AKAP19: variants seen among roughly 807,000 people sequenced by gnomAD.
The protein encoded by AKAP19 is small A-kinase anchoring protein.
chr2:189,974,334 A>G, the AKAP19 span, among the ~76,000 whole-genome samples: 1 of 152,070 alleles, frequency 6.6e-6, no homozygotes, highest in Non-Finnish European at 1.5e-5. Context: ...TTGCACTGTG[A>G]TCTGAGAGAC....
the AKAP19 span, among the ~76,000 whole-genome samples, chr2:189,891,480 C>A: frequency 6.6e-6 from 1 of 152,066 alleles, no homozygotes; most frequent in East Asian, 1.9e-4. Context: ...ACCTCGGCCT[C>A]CCAGAGTGCT....
chr2:189,989,673 G>A, the AKAP19 span, among the ~76,000 whole-genome samples: 1 of 152,034 alleles, frequency 6.6e-6, no homozygotes, highest in Non-Finnish European at 1.5e-5. Flanking sequence ...TGACAAATAT[G>A]GAGATTATTT....
At chr2:190,112,889 G>A in the AKAP19 span, among the ~76,000 whole-genome samples, 439 of 152,158 alleles carry the variant, frequency 2.9e-3, 1 homozygote, top group South Asian at 8.1e-3. Flanking sequence ...CCCACTAATG[G>A]GGAACACTGT....
the AKAP19 span, among the ~76,000 whole-genome samples, chr2:189,881,396 A>T: frequency 6.6e-6 from 1 of 152,090 alleles, no homozygotes; most frequent in South Asian, 2.1e-4. Context: ...TTCCTAGATG[A>T]GTAGATCCTG....
the AKAP19 span, among the ~76,000 whole-genome samples, chr2:190,029,643 A>G: frequency 6.6e-6 from 1 of 152,334 alleles, no homozygotes; most frequent in Non-Finnish European, 1.5e-5. Context: ...TGTGGGTTGT[A>G]TAGTCTCTGT....
chr2:190,055,487 TAAA>T, the AKAP19 span, among the ~76,000 whole-genome samples: 1 of 151,430 alleles, frequency 6.6e-6, no homozygotes, highest in Non-Finnish European at 1.5e-5. Flanking sequence ...AATAAAAAAA[TAAA>T]AAAAAGAGAA....
the AKAP19 span, among the ~76,000 whole-genome samples, chr2:190,066,650 T>C: frequency 6.6e-6 from 1 of 151,340 alleles, no homozygotes; most frequent in African/African-American, 2.4e-5. Flanking sequence ...ATGCTTTTGA[T>C]AGTTAGAAGA....
At chr2:190,198,536 G>A in the AKAP19 span, among the ~76,000 whole-genome samples, 1 of 150,932 alleles carries the variant, frequency 6.6e-6, no homozygotes, top group African/African-American at 2.4e-5. Context: ...GTGGGCTGAG[G>A]TGGAAGGATC....
At chr2:189,903,029 G>A in the AKAP19 span, among the ~76,000 whole-genome samples, 13 of 151,756 alleles carry the variant, frequency 8.6e-5, no homozygotes, top group Admixed American at 3.9e-4. Flanking sequence ...GATATTAGAG[G>A]ATATCTTAAA....
the AKAP19 span, among the ~76,000 whole-genome samples, chr2:190,092,249 G>GAA: frequency 6.6e-6 from 1 of 152,172 alleles, no homozygotes; most frequent in African/African-American, 2.4e-5. Flanking sequence ...CCAGTTCCAA[G>GAA]AAGGCCTCTA....
At chr2:190,167,151 G>T in the AKAP19 span, among the ~76,000 whole-genome samples, 1 of 152,340 alleles carries the variant, frequency 6.6e-6, no homozygotes, top group South Asian at 2.1e-4. Context: ...TGGACTTACA[G>T]TTGCATGTGA....
the AKAP19 span, among the ~76,000 whole-genome samples, chr2:190,109,146 T>C: frequency 6.6e-6 from 1 of 152,210 alleles, no homozygotes; most frequent in Admixed American, 6.5e-5. Flanking sequence ...AGGCATGTTG[T>C]AAGCTATAAT....
At chr2:190,085,781 A>G in the AKAP19 span, among the ~76,000 whole-genome samples, 5 of 152,236 alleles carry the variant, frequency 3.3e-5, no homozygotes, top group Non-Finnish European at 5.9e-5. Context: ...TTAAATGATC[A>G]GCTTTTGTTG....
At chr2:190,053,355 AT>A in the AKAP19 span, among the ~76,000 whole-genome samples, 6 of 152,184 alleles carry the variant, frequency 3.9e-5, no homozygotes, top group Non-Finnish European at 8.8e-5. Flanking sequence ...AGGAAAAAAT[AT>A]TTAAATATTC....
At chr2:190,037,988 A>G in the AKAP19 span, among the ~76,000 whole-genome samples, 1 of 152,168 alleles carries the variant, frequency 6.6e-6, no homozygotes, top group Non-Finnish European at 1.5e-5. Context: ...TGTTGCTTTT[A>G]AGATAAATTT....
the AKAP19 span, among the ~76,000 whole-genome samples, chr2:189,974,867 T>C: frequency 1.3e-5 from 2 of 152,208 alleles, no homozygotes; most frequent in Non-Finnish European, 2.9e-5. Flanking sequence ...TTTGAGCCTA[T>C]GTGTATCTCT....
chr2:189,911,886 T>A, the AKAP19 span, among the ~76,000 whole-genome samples: 2 of 152,014 alleles, frequency 1.3e-5, no homozygotes, highest in African/African-American at 2.4e-5. Flanking sequence ...TTTCTACTCC[T>A]AGTTTTTTTT....
chr2:190,057,213 A>G, the AKAP19 span: 1 of 1,609,968 alleles, frequency 6.2e-7, no homozygotes, highest in East Asian at 2.2e-5. Context: ...TGTTGAGGGG[A>G]AAACCTTCCA....
At chr2:190,011,434 G>T in the AKAP19 span, among the ~76,000 whole-genome samples, 3 of 152,130 alleles carry the variant, frequency 2.0e-5, no homozygotes, top group Non-Finnish European at 4.4e-5. Context: ...CTTTTTACAT[G>T]ATGTAATTTT....
Sources: gnomAD v4.1 joint callset for allele counts (sites outside exome capture counted in the v4.1 genomes callset) on GRCh38, gnomAD v4.1.1 for gene constraint, MANE v1.5 for transcripts, NCBI Gene and HGNC (gene_info 2026-07-23, HGNC 2026-07-21) for gene names.